Variants in WDFY2 observed in about 807,000 individuals in gnomAD.
WDFY2 encodes WD repeat and FYVE domain-containing protein 2.
A neutral mutation model predicts 56.4 loss-of-function variants in WDFY2; 36 were observed. The ratio of observed to expected loss-of-function variants is 0.64; its 90% CI spans 0.49 to 0.84. The LOEUF is 0.84. WDFY2 is among the 40% of genes least tolerant of loss of function. The pLI is 0.00. For synonymous variants in WDFY2, 176 were observed against 183.7 expected, an observed-to-expected ratio of 0.96 and a Z score of 0.34; for missense variants, 444 against 512.2, an observed-to-expected ratio of 0.87 and a Z score of 1.29.
chr13:51,754,090 C>CA (rs34329123), intron 8 of WDFY2, among the ~76,000 whole-genome samples: 5,691 of 100,396 alleles, frequency 0.057, 175 homozygotes, highest in Middle Eastern at 0.11. Flanking sequence ...AAGGCTGTCT[C>CA]AAAAAAAAAA....
chr13:51,598,416 A>C (rs550258703), intron 1 of WDFY2: 2 of 152,360 alleles, frequency 1.3e-5, no homozygotes, highest in African/African-American at 4.8e-5. Flanking sequence ...GGTCACAGGG[A>C]TGCTAAGATT....
At chr13:51,714,341 G>T (rs554079275) in intron 4 of WDFY2, among the ~76,000 whole-genome samples, 1 of 151,970 alleles carries the variant, frequency 6.6e-6, no homozygotes, top group South Asian at 2.1e-4. Flanking sequence ...GCCCAGGCTG[G>T]AGTGCAGTGG....
At chr13:51,612,386 C>T (rs1265634969) in intron 1 of WDFY2, among the ~76,000 whole-genome samples, 1 of 152,200 alleles carries the variant, frequency 6.6e-6, no homozygotes, top group African/African-American at 2.4e-5. Context: ...GGAATTCTTA[C>T]TGATATCTTG....
rs944742387 is a variant in WDFY2, at chr13:51,764,935, G to C, written c.*5166G>C. ...GGAGAGGATTGTTCTAGTCAAGTGT[G>C]GCGTTGCACGGACAGGCGGTGCCGA... is the stretch of plus-strand genomic sequence containing the variant. On this transcript the variant is annotated 3_prime_UTR_variant, in exon 12 of 12. Transcript: ENST00000298125. The C allele has an allele frequency of 1.1e-4, 16 of 152,168 alleles. No homozygotes were observed. The highest frequency in any genetic ancestry group is 3.6e-4 in the African/African-American group (15 of 41,386). 9.4% of individuals were successfully genotyped at this position (152,168 alleles called of 1,614,324 possible). A position where few individuals can be genotyped will look rare whatever the true frequency, so the allele number is the denominator to read the frequency against.
At chr13:51,671,776 CTTTTTTTTTTTTTTT>C (rs564584742) in intron 2 of WDFY2, among the ~76,000 whole-genome samples, 2 of 61,998 alleles carry the variant, frequency 3.2e-5, no homozygotes, top group East Asian at 4.9e-4. Context: ...GTTGCATTTG[CTTTTTTTTTTTTTTT>C]TTTTTTTTTT....
chr13:51,751,599 G>C, intron 8 of WDFY2, 184 bp downstream of exon 8: 1 of 591,276 alleles, frequency 1.7e-6, no homozygotes, highest in South Asian at 1.7e-5. Flanking sequence ...TAACATTACT[G>C]TGATGGAGAG....
chr13:51,757,544 A>C (rs912422168), intron 10 of WDFY2, among the ~76,000 whole-genome samples: 1 of 150,638 alleles, frequency 6.6e-6, no homozygotes, highest in African/African-American at 2.4e-5. Context: ...TGCACCCTGC[A>C]CCTTTTCCCG....
chr13:51,745,973 C>CTTTTTTTTTTTT (rs59572351), intron 7 of WDFY2, among the ~76,000 whole-genome samples: 201 of 100,682 alleles, frequency 2.0e-3, no homozygotes, highest in Non-Finnish European at 2.6e-3. Flanking sequence ...TTTTCTTTTT[C>CTTTTTTTTTTTT]TTTTTTTTTT....
chr13:51,707,300 A>G (rs1356132404), intron 4 of WDFY2, among the ~76,000 whole-genome samples: 3 of 152,180 alleles, frequency 2.0e-5, no homozygotes, highest in Non-Finnish European at 4.4e-5. Context: ...CTGGGACTAC[A>G]GGCGTATGCC....
intron 1 of WDFY2, chr13:51,586,335 G>A: frequency 3.0e-6 from 1 of 333,584 alleles, no homozygotes; most frequent in East Asian, 4.6e-5. Context: ...ATTTCTAACT[G>A]CTGTGGAAAA....
At chr13:51,628,218 T>G (rs574516629) in intron 1 of WDFY2, among the ~76,000 whole-genome samples, 1 of 152,222 alleles carries the variant, frequency 6.6e-6, no homozygotes, top group Non-Finnish European at 1.5e-5. Context: ...CAGGCCCCAC[T>G]GGGCTCCCTC....
intron 2 of WDFY2, among the ~76,000 whole-genome samples, chr13:51,661,263 A>G (rs1425874287): frequency 1.3e-5 from 2 of 152,198 alleles, no homozygotes; most frequent in Admixed American, 1.3e-4. Context: ...CCACAGCTGA[A>G]GAAGACCTGG....
At chr13:51,641,216 G>A (rs1955148776) in intron 1 of WDFY2, among the ~76,000 whole-genome samples, 1 of 151,852 alleles carries the variant, frequency 6.6e-6, no homozygotes, top group Non-Finnish European at 1.5e-5. Context: ...GGGATTATAG[G>A]CGCCTGCTGC....
chr13:51,627,535 A>AT (rs994394345), intron 1 of WDFY2, among the ~76,000 whole-genome samples: 77 of 146,328 alleles, frequency 5.3e-4, no homozygotes, highest in South Asian at 1.1e-3. Context: ...CACCTGGCTA[A>AT]TTTTTTTTTT....
At chr13:51,751,782 T>C (rs2138718716) in intron 8 of WDFY2, among the ~76,000 whole-genome samples, 1 of 152,340 alleles carries the variant, frequency 6.6e-6, no homozygotes, top group African/African-American at 2.4e-5. Context: ...AAATAGTGGC[T>C]AAGATGAAGC....
At chr13:51,632,613 C>A (rs1014722762) in intron 1 of WDFY2, among the ~76,000 whole-genome samples, 9 of 152,136 alleles carry the variant, frequency 5.9e-5, no homozygotes, top group African/African-American at 2.2e-4. Context: ...TTTTTACTTT[C>A]ATTTGCTATG....
chr13:51,602,857 T>C (rs1954312761), intron 1 of WDFY2, among the ~76,000 whole-genome samples: 1 of 152,124 alleles, frequency 6.6e-6, no homozygotes, highest in South Asian at 2.1e-4. Context: ...AGCTTAGGAG[T>C]AGCTTTTTCT....
At chr13:51,626,615 TA>T (rs919003231) in intron 1 of WDFY2, among the ~76,000 whole-genome samples, 9 of 152,088 alleles carry the variant, frequency 5.9e-5, no homozygotes, top group East Asian at 1.9e-4. Flanking sequence ...TGGCAGGGGC[TA>T]AAAAAAATGA....
chr13:51,705,852 A>T (rs1477847092), intron 4 of WDFY2, among the ~76,000 whole-genome samples: 1 of 152,140 alleles, frequency 6.6e-6, no homozygotes, highest in African/African-American at 2.4e-5. Context: ...TGGACTTTAC[A>T]TCCTGTTATT....
Sources: allele counts gnomAD v4.1 joint callset (sites outside exome capture counted in the v4.1 genomes callset), GRCh38; gene constraint gnomAD v4.1.1; transcripts MANE v1.5; gene names NCBI Gene and HGNC (gene_info 2026-07-23, HGNC 2026-07-21).